The following SOX5 variants were observed in gnomAD, a reference collection of about 807,000 sequenced individuals.
SOX5 encodes SRY-box transcription factor 5.
A neutral mutation model predicts 92.0 loss-of-function variants in SOX5; 9 were observed. The observed-to-expected ratio is 0.10, with a 90% CI of 0.06 to 0.17. SOX5 has a LOEUF of 0.17. SOX5 is among the 10% of genes least tolerant of loss of function. SOX5 has a pLI of 1.00. For synonymous variants in SOX5, 344 were observed against 336.3 expected, an observed-to-expected ratio of 1.02 and a Z score of -0.25; for missense variants, 642 against 944.5, an observed-to-expected ratio of 0.68 and a Z score of 4.20.
At chr12:23,564,130 A>G (rs1946673889) in intron 10 of SOX5, among the ~76,000 whole-genome samples, 2 of 152,198 alleles carry the variant, frequency 1.3e-5, no homozygotes, top group African/African-American at 4.8e-5. Flanking sequence ...TGATCAGCTT[A>G]TGTATGCAAC....
chr12:23,804,913 TTTTATATATATATA>T (rs2095733890), intron 3 of SOX5, among the ~76,000 whole-genome samples: 1 of 109,332 alleles, frequency 9.1e-6, no homozygotes, highest in African/African-American at 3.6e-5. Flanking sequence ...CCTATCATTG[TTTTATATATATATA>T]TATATATATA....
At chr12:23,934,568 C>T (rs1942147075) in intron 1 of SOX5, among the ~76,000 whole-genome samples, 1 of 150,390 alleles carries the variant, frequency 6.6e-6, no homozygotes, top group South Asian at 2.1e-4. Context: ...AGCCATAGTT[C>T]TGATAAATCC....
chr12:24,018,399 T>C (rs903417341), intron 4 of SOX5, among the ~76,000 whole-genome samples: 1 of 152,216 alleles, frequency 6.6e-6, no homozygotes, highest in Non-Finnish European at 1.5e-5. Flanking sequence ...TTCAAAGTCC[T>C]AATTGTGATG....
At chr12:24,316,459 T>C (rs1039148361) in intron 2 of SOX5, among the ~76,000 whole-genome samples, 1 of 152,222 alleles carries the variant, frequency 6.6e-6, no homozygotes, top group Non-Finnish European at 1.5e-5. Context: ...TTTTCAAAGA[T>C]TGCCGATTTC....
chr12:24,061,066 T>C (rs935660272), intron 4 of SOX5, among the ~76,000 whole-genome samples: 9 of 152,056 alleles, frequency 5.9e-5, no homozygotes, highest in Admixed American at 5.9e-4. Context: ...GAGCTCAAGG[T>C]AATACCTGCA....
intron 4 of SOX5, among the ~76,000 whole-genome samples, chr12:24,067,915 C>T (rs141254425): frequency 0.023 from 3,488 of 152,300 alleles, 131 homozygotes; most frequent in African/African-American, 0.079. Flanking sequence ...GAGGCCGAGG[C>T]GGGCGGATTG....
intron 1 of SOX5, among the ~76,000 whole-genome samples, chr12:24,561,810 G>C (rs1220577403): frequency 6.6e-6 from 1 of 151,770 alleles, no homozygotes; most frequent in Non-Finnish European, 1.5e-5. Flanking sequence ...ACTAAGGTTA[G>C]GGGGTGGGCC....
At chr12:23,557,786 G>A (rs186412475) in intron 11 of SOX5, among the ~76,000 whole-genome samples, 2 of 151,904 alleles carry the variant, frequency 1.3e-5, no homozygotes, top group African/African-American at 2.4e-5. Context: ...CCATCCTGGC[G>A]ACCATGGTGA....
intron 4 of SOX5, among the ~76,000 whole-genome samples, chr12:24,080,941 A>G (rs1943253685): frequency 6.6e-6 from 1 of 151,984 alleles, no homozygotes. Context: ...ACAAACTTTA[A>G]GGACAAATTC....
At chr12:23,621,850 C>T (rs1410166283) in intron 8 of SOX5, among the ~76,000 whole-genome samples, 2 of 152,050 alleles carry the variant, frequency 1.3e-5, no homozygotes, top group African/African-American at 2.4e-5. Context: ...CTAGTCACAC[C>T]GTAAAAGGTA....
chr12:24,308,557 A>G (rs553908661), intron 2 of SOX5, among the ~76,000 whole-genome samples: 163 of 152,338 alleles, frequency 1.1e-3, no homozygotes, highest in Non-Finnish European at 1.6e-3. Context: ...ATTTGCCGCC[A>G]CTAAGATACT....
At chr12:24,200,905 G>A (rs1957452786) in intron 4 of SOX5, among the ~76,000 whole-genome samples, 1 of 152,166 alleles carries the variant, frequency 6.6e-6, no homozygotes, top group African/African-American at 2.4e-5. Flanking sequence ...GCTAATTGAT[G>A]TCTCAGCAGA....
chr12:24,241,676 A>G (rs1430377682), intron 3 of SOX5, among the ~76,000 whole-genome samples: 14 of 152,212 alleles, frequency 9.2e-5, no homozygotes, highest in Admixed American at 9.2e-4. Flanking sequence ...CCCCCTCAAC[A>G]GAACATTCAA....
At chr12:23,918,170 T>A (rs943502611) in intron 1 of SOX5, among the ~76,000 whole-genome samples, 2 of 152,232 alleles carry the variant, frequency 1.3e-5, no homozygotes, top group East Asian at 3.8e-4. Context: ...GAATATTATA[T>A]GCATGTTTTA....
intron 2 of SOX5, among the ~76,000 whole-genome samples, chr12:24,320,220 T>A (rs1410990939): frequency 6.6e-6 from 1 of 152,236 alleles, no homozygotes; most frequent in Admixed American, 6.5e-5. Flanking sequence ...TTGTTTTGGT[T>A]TTCACACAAT....
chr12:24,359,143 ATTC>A (rs1237757090), intron 2 of SOX5, among the ~76,000 whole-genome samples: 1 of 152,248 alleles, frequency 6.6e-6, no homozygotes, highest in Non-Finnish European at 1.5e-5. Context: ...TCAAAAGGAA[ATTC>A]TTCTTGGTAG....
At chr12:24,179,495 A>G (rs1208938463) in intron 4 of SOX5, among the ~76,000 whole-genome samples, 1 of 152,238 alleles carries the variant, frequency 6.6e-6, no homozygotes, top group East Asian at 1.9e-4. Context: ...CCACGCAACC[A>G]TGAGGGTAAA....
intron 2 of SOX5, among the ~76,000 whole-genome samples, chr12:24,304,518 A>G (rs751018450): frequency 2.6e-5 from 4 of 152,204 alleles, no homozygotes. Context: ...GCAGTTTGGC[A>G]GCTAGGTGGT....
At chr12:24,516,236 C>G (rs1464901945) in intron 1 of SOX5, among the ~76,000 whole-genome samples, 1 of 151,736 alleles carries the variant, frequency 6.6e-6, no homozygotes, top group African/African-American at 2.4e-5. Flanking sequence ...TTTGTAGAGA[C>G]CAGGTCTCAC....
Sources: allele counts gnomAD v4.1 joint callset (sites outside exome capture counted in the v4.1 genomes callset), GRCh38; gene constraint gnomAD v4.1.1; transcripts MANE v1.5; gene names NCBI Gene and HGNC (gene_info 2026-07-23, HGNC 2026-07-21).